The following ARL10 variants were observed in gnomAD, a reference collection of about 807,000 sequenced individuals.
ARL10 encodes ADP-ribosylation factor-like protein 10.
In ARL10, 23 loss-of-function variants were observed where a neutral mutation model predicts 26.1. The ratio of observed to expected loss-of-function variants is 0.88; its 90% CI spans 0.63 to 1.25. The LOEUF (loss-of-function observed/expected upper bound fraction) is 1.25. Ranked by LOEUF, ARL10 falls within the 50% of genes most tolerant of loss-of-function variation. The pLI is 0.00. For missense variants in ARL10, 300 were observed against 323.6 expected, an observed-to-expected ratio of 0.93 and a Z score of 0.56; for synonymous variants, 138 against 149.1, an observed-to-expected ratio of 0.93 and a Z score of 0.54.
chr5:176,384,122 C>T, downstream of ARL10: 1 of 1,610,796 alleles, frequency 6.2e-7, no homozygotes, highest in Non-Finnish European at 8.5e-7. Flanking sequence ...TTCCATGGGA[C>T]CTGGCCAGCT....
In ARL10 at chr5:176,366,516, T is replaced by A. The variant is rs957255894; in HGVS notation, c.320T>A (p.Ile107Asn). 1.2e-6 allele frequency: 2 copies of A among 1,614,078 alleles called. No individual in the cohort carries two copies. Among genetic ancestry groups the A allele is most frequent in the Non-Finnish European group, 1.7e-6 (2 of 1,180,022 alleles). The change falls in exon 2 of 4, where the codon ATC becomes AAC. Residue 107 changes from isoleucine to asparagine, a missense_variant. Ile to Asn is a moderately radical substitution (Grantham distance 149, BLOSUM62 -3). Coordinates refer to ENST00000310389, the MANE Select transcript of ARL10 (RefSeq NM_173664.6). ...GGGAAGCCACCGCTGGAAGGCCACA[T>A]CCCCACCTGGGGCTTCAACTCCGTG... Reference protein sequence around the residue: ...LSGKPPLEGHIPTWGFNSVRL... With the variant: ...LSGKPPLEGHNPTWGFNSVRL...
chr5:176,389,078 T>C, downstream of ARL10: 2 of 1,432,990 alleles, frequency 1.4e-6, no homozygotes, highest in Non-Finnish European at 1.9e-6. Context: ...GAGAGCGGAC[T>C]AGAGAAGAGA....
chr5:176,398,424 A>C (rs60160326), intron 1 of ARL10, among the ~76,000 whole-genome samples: 20,126 of 152,214 alleles, frequency 0.13, 1,660 homozygotes, highest in East Asian at 0.24. Context: ...TAAAAATTAT[A>C]AAGAATGTCG....
downstream of ARL10, chr5:176,389,297 C>T (rs201369752): frequency 1.5e-5 from 24 of 1,594,790 alleles, no homozygotes; most frequent in Middle Eastern, 1.9e-4. Context: ...GGGGCCCGAC[C>T]TGCTGTTTCC....
At chr5:176,401,852 C>A in exon 2 of ARL10, 1 of 444,424 alleles carries the variant, frequency 2.3e-6, no homozygotes, top group African/African-American at 2.0e-5. Context: ...AAGTCATCAG[C>A]AGGGCCTGTC....
chr5:176,383,748 G>A (rs1175290117), downstream of ARL10, among the ~76,000 whole-genome samples: 1 of 152,220 alleles, frequency 6.6e-6, no homozygotes, highest in African/African-American at 2.4e-5. Flanking sequence ...GCAAGCTTCT[G>A]TAGAGTTGAG....
At chr5:176,409,122 T>A in the ARL10 span, among the ~76,000 whole-genome samples, 50,255 of 151,804 alleles carry the variant, frequency 0.33, 9,456 homozygotes, top group African/African-American at 0.53. Context: ...GATTATAGGC[T>A]TGTGCCACCA....
At chr5:176,387,626 G>A (rs1164729269) in intron 1 of ARL10, among the ~76,000 whole-genome samples, 1 of 152,224 alleles carries the variant, frequency 6.6e-6, no homozygotes, top group Non-Finnish European at 1.5e-5. Context: ...AAGATGAATT[G>A]CTTGCTTTTC....
chr5:176,410,187 C>T, the ARL10 span: 1 of 1,326,994 alleles, frequency 7.5e-7, no homozygotes, highest in South Asian at 1.2e-5. Context: ...AAGCCTACAA[C>T]AATGAGGCTT....
chr5:176,389,759 T>TAATTC, downstream of ARL10: 1 of 373,266 alleles, frequency 2.7e-6, no homozygotes, highest in Admixed American at 4.3e-5. Flanking sequence ...CACTTGTATT[T>TAATTC]AATTCAGTAT....
At chr5:176,411,026 C>T in the ARL10 span, among the ~76,000 whole-genome samples, 1 of 152,244 alleles carries the variant, frequency 6.6e-6, no homozygotes, top group Non-Finnish European at 1.5e-5. Flanking sequence ...ACCTCACCAC[C>T]TTGCACCTGC....
chr5:176,401,603 T>TG (rs1222404338), intron 1 of ARL10: 1 of 395,028 alleles, frequency 2.5e-6, no homozygotes, highest in Admixed American at 2.8e-5. Context: ...GACATCCACA[T>TG]GGCATCGAGA....
chr5:176,405,986 G>A (rs561878703), downstream of ARL10, among the ~76,000 whole-genome samples: 24 of 152,104 alleles, frequency 1.6e-4, no homozygotes, highest in Admixed American at 5.9e-4. Context: ...CTGGCCCTCC[G>A]TGCACCATGA....
chr5:176,389,958 G>A (rs970962869), downstream of ARL10, among the ~76,000 whole-genome samples: 11 of 151,918 alleles, frequency 7.2e-5, no homozygotes, highest in African/African-American at 2.4e-4. Context: ...CGAAGCGAGC[G>A]GATCACCTGA....
chr5:176,394,555 T>A (rs111825432), intron 1 of ARL10, among the ~76,000 whole-genome samples: 34 of 151,692 alleles, frequency 2.2e-4, no homozygotes, highest in Admixed American at 6.6e-4. Context: ...CGGTGGCTCA[T>A]GCCTGTAATC....
rs1272060242 is a variant in ARL10 at position 176,393,841 on chromosome 5, C to A, written c.134-7900C>A. ...CACGTGGGACTCACTAACAGAAAGA[C>A]AATAAGGGATTCTTAGGTGAGGAGA... On this transcript the variant is annotated intron_variant, in intron 1 of 1. Coordinates refer to the ARL10 transcript ENST00000514533. This position sits in a 1 kb window ranked among gnomAD's most constrained non-coding sequence, Gnocchi z 4.4. Among the ~76,000 whole-genome samples, 25 of 152,206 alleles carry A rather than the reference C, an allele frequency of 1.6e-4. No homozygotes were observed. Among genetic ancestry groups the A allele is most frequent in the Admixed American group, 1.6e-3 (24 of 15,284 alleles).
chr5:176,402,094 G>C (rs1332648156), downstream of ARL10, among the ~76,000 whole-genome samples: 1 of 152,144 alleles, frequency 6.6e-6, no homozygotes, highest in Non-Finnish European at 1.5e-5. Flanking sequence ...CCTGAGCTCA[G>C]GAGTTCGAGA....
At chr5:176,384,323 G>C, downstream of ARL10, 1 of 1,614,226 alleles carries the variant, frequency 6.2e-7, no homozygotes, top group Non-Finnish European at 8.5e-7. Context: ...ATCTTACTCC[G>C]AATCTGTTTT....
downstream of ARL10, chr5:176,389,596 G>C: frequency 1.5e-6 from 2 of 1,313,672 alleles, no homozygotes. Flanking sequence ...TCTCCTTTGA[G>C]AGGCCCATGT....
Sources: allele counts gnomAD v4.1 joint callset (sites outside exome capture counted in the v4.1 genomes callset), GRCh38; gene constraint gnomAD v4.1.1; non-coding constraint Gnocchi (gnomAD v3.1); transcripts MANE v1.5; gene names NCBI Gene and HGNC (gene_info 2026-07-23, HGNC 2026-07-21).